ITGA8: variants seen among roughly 807,000 people sequenced by gnomAD.
The protein encoded by ITGA8 is integrin subunit alpha 8.
Under a neutral mutation model 142.3 loss-of-function variants are expected in ITGA8, and 91 were observed. The ratio of observed to expected loss-of-function variants is 0.64; its 90% CI spans 0.54 to 0.76. The LOEUF (loss-of-function observed/expected upper bound fraction) is 0.76. Among genes scored for constraint, ITGA8 ranks in the 30% least tolerant of loss-of-function variants. ITGA8 has a pLI of 0.00. For synonymous variants in ITGA8, 505 were observed against 485.2 expected, an observed-to-expected ratio of 1.04 and a Z score of -0.54; for missense variants, 1,406 against 1,327.7, an observed-to-expected ratio of 1.06 and a Z score of -0.92.
intron 13 of ITGA8, among the ~76,000 whole-genome samples, chr10:15,640,998 A>C (rs1285753605): frequency 6.6e-6 from 1 of 152,226 alleles, no homozygotes; most frequent in Non-Finnish European, 1.5e-5. Flanking sequence ...GTCGCTGGAC[A>C]ACAGGTAAAC....
Position 15,719,819 on chromosome 10 carries a change from G to A in ITGA8, c.-48C>T. On this transcript the variant is annotated 5_prime_UTR_variant, in exon 1 of 30. Transcript: ENST00000378076. ...CTGCTACCCAGGAGCGCGAGCCGAG[G>A]ACCCCTGCGGGGCAAGGGGGGCTGG... The A allele has an allele frequency of 1.6e-6, 2 of 1,284,706 alleles. No individual in the cohort carries two copies. The highest frequency in any genetic ancestry group is 9.9e-7 in the Non-Finnish European group (1 of 1,012,034). The allele number at this position is 1,284,706 out of a possible 1,614,324, so 79.6% of individuals were successfully genotyped here. A position where few individuals can be genotyped will look rare whatever the true frequency, so the allele number is the denominator to read the frequency against.
chr10:15,601,658 A>G (rs1389077827), intron 20 of ITGA8, among the ~76,000 whole-genome samples: 1 of 152,220 alleles, frequency 6.6e-6, no homozygotes, highest in Non-Finnish European at 1.5e-5. Context: ...CAGAAAAATT[A>G]AGGAGAAAAA....
chr10:15,527,376 T>C (rs1171258425), intron 28 of ITGA8, among the ~76,000 whole-genome samples: 2 of 152,336 alleles, frequency 1.3e-5, no homozygotes, highest in East Asian at 3.9e-4. Flanking sequence ...TAACCACCTT[T>C]GGAATTACAC....
At chr10:15,528,555 G>A (rs1833224198) in intron 28 of ITGA8, among the ~76,000 whole-genome samples, 1 of 150,596 alleles carries the variant, frequency 6.6e-6, no homozygotes, top group Non-Finnish European at 1.5e-5. Context: ...GGCAGGGCTG[G>A]GGAAAGCATG....
At chr10:15,581,550 G>A (rs1239859828) in intron 23 of ITGA8, among the ~76,000 whole-genome samples, 3 of 152,126 alleles carry the variant, frequency 2.0e-5, no homozygotes, top group East Asian at 1.9e-4. Context: ...ACCTGAATCT[G>A]CAGTTGGCAT....
intron 23 of ITGA8, among the ~76,000 whole-genome samples, chr10:15,577,933 AG>A (rs1472208202): frequency 6.6e-6 from 1 of 152,182 alleles, no homozygotes; most frequent in Non-Finnish European, 1.5e-5. Flanking sequence ...TTTTGGGAGA[AG>A]CAAGGAATTA....
At chr10:15,716,105 T>C (rs186743535) in intron 2 of ITGA8, among the ~76,000 whole-genome samples, 1 of 152,368 alleles carries the variant, frequency 6.6e-6, no homozygotes, top group East Asian at 1.9e-4. Flanking sequence ...ACAGCCTTGT[T>C]CATTCTGTCA....
chr10:15,523,729 G>A (rs1266071784), intron 28 of ITGA8, among the ~76,000 whole-genome samples: 2 of 145,836 alleles, frequency 1.4e-5, no homozygotes, highest in African/African-American at 2.6e-5. Flanking sequence ...GGCCAACATG[G>A]TGAAACCCCA....
At chr10:15,531,658 C>T (rs951277968) in intron 27 of ITGA8, among the ~76,000 whole-genome samples, 4 of 152,150 alleles carry the variant, frequency 2.6e-5, no homozygotes, top group African/African-American at 4.8e-5. Context: ...AATGTATTGG[C>T]TGGGCGCAGT....
intron 25 of ITGA8, among the ~76,000 whole-genome samples, chr10:15,565,573 A>ATTTTTTTTTTTTTTTTT (rs71374633): frequency 8.6e-5 from 3 of 34,782 alleles, no homozygotes; most frequent in Non-Finnish European, 1.0e-4. Flanking sequence ...TCATGTCCTG[A>ATTTTTTTTTTTTTTTTT]TTTTTTTTTT....
chr10:15,636,915 C>T (rs957202886), intron 13 of ITGA8, among the ~76,000 whole-genome samples: 5 of 152,254 alleles, frequency 3.3e-5, no homozygotes, highest in African/African-American at 7.2e-5. Context: ...AAGGTCAAGG[C>T]GGGTGGATCA....
At chr10:15,677,337 A>T (rs1352605715) in intron 6 of ITGA8, among the ~76,000 whole-genome samples, 1 of 152,242 alleles carries the variant, frequency 6.6e-6, no homozygotes, top group Non-Finnish European at 1.5e-5. Flanking sequence ...TGGTTATGCT[A>T]ATTACCCTGA....
At chr10:15,637,132 G>A (rs117168733) in intron 13 of ITGA8, among the ~76,000 whole-genome samples, 5 of 152,322 alleles carry the variant, frequency 3.3e-5, no homozygotes, top group Non-Finnish European at 5.9e-5. Flanking sequence ...GCGATAGAGT[G>A]AGACTCTGTC....
intron 26 of ITGA8, among the ~76,000 whole-genome samples, chr10:15,554,939 A>G (rs1833862101): frequency 6.6e-6 from 1 of 151,884 alleles, no homozygotes; most frequent in South Asian, 2.1e-4. Context: ...TTAAACTTTA[A>G]TTTTTCAGTT....
At position 15,616,535 on chromosome 10, in the gene ITGA8, G is replaced by C. The variant is rs763417793; in HGVS notation, c.1424C>G (p.Thr475Arg). The C allele has an allele frequency of 6.2e-7, 1 of 1,611,962 alleles. No individual in the cohort carries two copies. The highest frequency in any genetic ancestry group is 8.5e-7 in the Non-Finnish European group (1 of 1,179,070). The change falls in exon 14 of 30, where the codon ACA becomes AGA. Residue 475 changes from threonine (T) to arginine (R), a missense_variant. Thr to Arg is a moderately conservative substitution (Grantham distance 71). Transcript: ENST00000378076. ...YPDLIVGAFG[T>R]GKVAVYRARP... The stretch of plus-strand genomic sequence containing the variant: ...ATACCTGTAAACAGCGACTTTTCCT[G>C]TTCCAAATGCACCCACAATCAAATC...
chr10:15,549,381 T>G (rs1462599241), intron 26 of ITGA8, among the ~76,000 whole-genome samples: 1 of 152,004 alleles, frequency 6.6e-6, no homozygotes, highest in East Asian at 1.9e-4. Context: ...TGGCTAATTT[T>G]TGTATTTTTA....
At chr10:15,523,029 AT>A (rs993393963) in intron 28 of ITGA8, among the ~76,000 whole-genome samples, 15 of 151,232 alleles carry the variant, frequency 9.9e-5, no homozygotes, top group Admixed American at 2.6e-4. Context: ...AAAAAAAAAA[AT>A]TATTATCTTA....
At position 15,694,117 on chromosome 10, in the gene ITGA8, CAT is replaced by C. The variant is rs941761375; in HGVS notation, c.344-6081_344-6080del. On this transcript the variant is annotated intron_variant, in intron 2 of 29. Coordinates refer to ENST00000378076, the MANE Select transcript of ITGA8 (RefSeq NM_003638.3). ...TATAATATACCTATATATTATATATCATATATCTATATTATATAGATAATATA... is the reference window on the plus strand; with the variant it reads ...TATAATATACCTATATATTATATATCATATCTATATTATATAGATAATATA... Among the ~76,000 whole-genome samples, 10 of 142,824 alleles carry C rather than the reference CAT, an allele frequency of 7.0e-5. No individual in the cohort carries two copies. The South Asian group carries it at 1.7e-3, about 25-fold the overall frequency. The allele number at this position is 142,824 out of a possible 152,430, so 93.7% of individuals were successfully genotyped here.
chr10:15,710,973 A>T (rs1265804594), intron 2 of ITGA8, among the ~76,000 whole-genome samples: 3 of 152,190 alleles, frequency 2.0e-5, no homozygotes, highest in Non-Finnish European at 2.9e-5. Context: ...CCTTATGTCA[A>T]ATATCAGAGC....
Sources: gnomAD v4.1 joint callset for allele counts (sites outside exome capture counted in the v4.1 genomes callset) on GRCh38, gnomAD v4.1.1 for gene constraint, MANE v1.5 for transcripts, NCBI Gene and HGNC (gene_info 2026-07-23, HGNC 2026-07-21) for gene names.